ANK3: variants seen among roughly 807,000 people sequenced by gnomAD.
The protein encoded by ANK3 is ankyrin-3.
A neutral mutation model predicts 370.9 loss-of-function variants in ANK3; 57 were observed. The observed-to-expected ratio is 0.15, with a 90% CI of 0.12 to 0.19. The LOEUF is 0.19. Ranked by LOEUF, ANK3 falls within the 10% of genes least tolerant of loss-of-function variation. The probability of loss-of-function intolerance (pLI) is 1.00; values close to 1 mark genes in which losing one functional copy is unlikely to be tolerated. For synonymous variants in ANK3, 1,929 were observed against 1,946.3 expected (o/e 0.99, Z 0.23); for missense variants, 4,439 against 5,302.1 (o/e 0.84, Z 5.06).
At chr10:60,376,595 G>A (rs2060811935) in intron 1 of ANK3, among the ~76,000 whole-genome samples, 1 of 152,208 alleles carries the variant, frequency 6.6e-6, no homozygotes, top group Admixed American at 6.5e-5. Flanking sequence ...TGGAGCAAGA[G>A]AAAATTCATG....
chr10:60,184,462 G>T (rs1435233071), intron 17 of ANK3, among the ~76,000 whole-genome samples: 1 of 152,218 alleles, frequency 6.6e-6, no homozygotes, highest in African/African-American at 2.4e-5. Context: ...GAAGTTAGAA[G>T]TTAAAAGTAT....
intron 9 of ANK3, among the ~76,000 whole-genome samples, chr10:60,211,378 G>A (rs754530959): frequency 6.6e-5 from 10 of 152,108 alleles, no homozygotes; most frequent in Non-Finnish European, 1.2e-4. Flanking sequence ...GAATGGAGGC[G>A]TTAAGGATGT....
chr10:60,060,084 TATATC>T, intron 40 of ANK3: 1 of 1,099,010 alleles, frequency 9.1e-7, no homozygotes, highest in Non-Finnish European at 1.3e-6. Flanking sequence ...TGACTAAAAT[TATATC>T]AGGCATGAAA....
chr10:60,444,583 A>C (rs193078055), intron 2 of ANK3, among the ~76,000 whole-genome samples: 35 of 152,212 alleles, frequency 2.3e-4, no homozygotes, highest in Admixed American at 2.2e-3. Flanking sequence ...AATTCCAGCC[A>C]TAAATCCTTT....
intron 1 of ANK3, among the ~76,000 whole-genome samples, chr10:60,346,411 A>G (rs10994310): frequency 0.7 from 106,032 of 151,942 alleles, 38,276 homozygotes; most frequent in South Asian, 0.92. Context: ...AATCAAAACT[A>G]TCTGCAAAGG....
chr10:60,238,506 G>A (rs1050709821), intron 7 of ANK3, among the ~76,000 whole-genome samples: 9 of 152,102 alleles, frequency 5.9e-5, no homozygotes, highest in Non-Finnish European at 1.2e-4. Flanking sequence ...CCTAAAGACT[G>A]AGTCTGAGCT....
intron 24 of ANK3, chr10:60,138,707 G>A: frequency 1.8e-6 from 1 of 548,054 alleles, no homozygotes; most frequent in Non-Finnish European, 3.2e-6. Flanking sequence ...TTTTGCTACT[G>A]TGCTGGCAGC....
intron 2 of ANK3, among the ~76,000 whole-genome samples, chr10:60,529,884 A>G (rs572149232): frequency 6.6e-6 from 1 of 152,328 alleles, no homozygotes; most frequent in African/African-American, 2.4e-5. Context: ...TTTCGTTCTC[A>G]GGCATTAATA....
At chr10:60,582,035 A>G (rs765572968) in intron 2 of ANK3, among the ~76,000 whole-genome samples, 3 of 152,120 alleles carry the variant, frequency 2.0e-5, no homozygotes, top group Non-Finnish European at 4.4e-5. Flanking sequence ...AAAACCAAAC[A>G]TGGCATATTC....
chr10:60,156,449 C>T (rs2095330265), intron 23 of ANK3, among the ~76,000 whole-genome samples: 1 of 152,168 alleles, frequency 6.6e-6, no homozygotes, highest in South Asian at 2.1e-4. Flanking sequence ...GCAGTAGTGA[C>T]TACAGCCGTG....
chr10:60,407,855 CT>C (rs1440147202), intron 2 of ANK3, among the ~76,000 whole-genome samples: 1 of 152,164 alleles, frequency 6.6e-6, no homozygotes, highest in Non-Finnish European at 1.5e-5. Context: ...CAAAATGATG[CT>C]ACACTTTTCT....
intron 2 of ANK3, among the ~76,000 whole-genome samples, chr10:60,472,957 C>T (rs897430159): frequency 1.3e-5 from 2 of 152,170 alleles, no homozygotes; most frequent in South Asian, 2.1e-4. Flanking sequence ...ATAACAAGGG[C>T]AGCAACCTAC....
intron 1 of ANK3, among the ~76,000 whole-genome samples, chr10:60,705,168 A>G (rs1221387692): frequency 6.6e-6 from 1 of 152,188 alleles, no homozygotes; most frequent in Non-Finnish European, 1.5e-5. Context: ...TTAGATTTTT[A>G]TAAGACTGTA....
At chr10:60,429,813 T>C (rs973210923) in intron 2 of ANK3, among the ~76,000 whole-genome samples, 12 of 152,220 alleles carry the variant, frequency 7.9e-5, no homozygotes, top group Admixed American at 4.6e-4. Context: ...TAGAGCTCTA[T>C]ATACAAACAT....
chr10:60,635,401 A>G (rs1012977059), intron 1 of ANK3, among the ~76,000 whole-genome samples: 6 of 152,180 alleles, frequency 3.9e-5, no homozygotes, highest in African/African-American at 1.2e-4. Context: ...AGCAGCAAAC[A>G]TGCCTAAAAA....
At chr10:60,521,140 T>A (rs2076337510) in intron 2 of ANK3, among the ~76,000 whole-genome samples, 2 of 152,116 alleles carry the variant, frequency 1.3e-5, no homozygotes, top group African/African-American at 2.4e-5. Flanking sequence ...CCTTATTTTA[T>A]TTACTGTGTA....
At chr10:60,051,525 C>CCTCTGAGCTTGAATCA in intron 42 of ANK3, 3 of 985,756 alleles carry the variant, frequency 3.0e-6, no homozygotes, top group Non-Finnish European at 2.4e-6. Flanking sequence ...CTCCGCTCTT[C>CCTCTGAGCTTGAATCA]CTCTGAGCTT....
chr10:60,559,123 TA>T (rs138333809), intron 2 of ANK3, among the ~76,000 whole-genome samples: 1 of 152,110 alleles, frequency 6.6e-6, no homozygotes, highest in African/African-American at 2.4e-5. Flanking sequence ...GCCTTCTTTT[TA>T]AAAAAAATTT....
At chr10:60,391,328 C>G (rs1461489091), upstream of ANK3, among the ~76,000 whole-genome samples, 2 of 152,062 alleles carry the variant, frequency 1.3e-5, no homozygotes, top group African/African-American at 4.8e-5. Flanking sequence ...TTCTCCATTG[C>G]CTATGAAACC....
Sources: allele counts gnomAD v4.1 joint callset (sites outside exome capture counted in the v4.1 genomes callset), GRCh38; gene constraint gnomAD v4.1.1; transcripts MANE v1.5; gene names NCBI Gene and HGNC (gene_info 2026-07-23, HGNC 2026-07-21).